Variants in ADAMTS13 observed in about 807,000 individuals in gnomAD.
ADAMTS13 encodes the protein A disintegrin and metalloproteinase with thrombospondin motifs 13.
ADAMTS13 carries 110 observed loss-of-function variants against 155.1 expected under a neutral mutation model. That is an observed-to-expected ratio of 0.71 (90% confidence interval 0.61 to 0.83). The LOEUF (loss-of-function observed/expected upper bound fraction) is 0.83. Among genes scored for constraint, ADAMTS13 ranks in the 40% least tolerant of loss-of-function variants. The pLI, the probability that ADAMTS13 is intolerant of heterozygous loss-of-function variation, is 0.00. For missense variants in ADAMTS13, 1,707 were observed against 1,891.7 expected (o/e 0.90, Z 1.81); for synonymous variants, 758 against 756.4 (o/e 1.00, Z -0.03).
At chr9:133,428,104 T>G (rs1206230526) in intron 6 of ADAMTS13, among the ~76,000 whole-genome samples, 4 of 152,170 alleles carry the variant, frequency 2.6e-5, no homozygotes, top group African/African-American at 9.7e-5. Context: ...GAGTCCTCCA[T>G]CAGTTCCGCT....
intron 11 of ADAMTS13, among the ~76,000 whole-genome samples, chr9:133,434,192 C>T (rs587723240): frequency 6.6e-4 from 100 of 152,320 alleles, no homozygotes; most frequent in Admixed American, 3.9e-3. Flanking sequence ...GCCCCTGAAG[C>T]GTCCCGCCTC....
At position 133,422,477 on chromosome 9, in the gene ADAMTS13, C is replaced by T. The variant is rs1446552024; in HGVS notation, c.34C>T (p.Pro12Ser). The T allele has an allele frequency of 6.2e-7, 1 of 1,614,098 alleles. No individual in the cohort carries two copies. The highest frequency in any genetic ancestry group is 1.7e-5 in the Admixed American group (1 of 60,030). Reference protein sequence around the residue: ...HQRHPRARCPPLCVAGILACG... With the variant: ...HQRHPRARCPSLCVAGILACG... ...GCGTCACCCCCGGGCAAGATGCCCT[C>T]CCCTCTGTGTGGCCGGAATCCTTGC... is the stretch of plus-strand genomic sequence containing the variant. The change falls in exon 1 of 29, where the codon CCC becomes TCC. Residue 12 changes from proline (P) to serine (S), a missense_variant. Transcript: ENST00000355699.
At chr9:133,414,989 T>C in intron 1 of ADAMTS13, 1 of 1,582,846 alleles carries the variant, frequency 6.3e-7, no homozygotes, top group Non-Finnish European at 8.5e-7. Flanking sequence ...TTCTGGGGCC[T>C]GAGATTTTTG....
Position 133,444,950 on chromosome 9 carries a change from T to C in ADAMTS13, c.2508T>C (p.Asp836=), listed in dbSNP as rs36221472. The C allele has an allele frequency of 2.4e-3, 3,920 of 1,613,472 alleles. 92 individuals carry two copies. In the African/African-American group the frequency reaches 0.045, roughly 19 times the overall value. ...LENETCVPGA[D]GLEAPVTEGP... ...ACGAGACCTGTGTGCCAGGGGCAGA[T>C]GGCCTGGAGGCTCCAGTGACTGAGG... The change falls in exon 20 of 29, where the codon GAT becomes GAC. Residue 836 remains aspartate, a synonymous_variant. Transcript: ENST00000355699.
chr9:133,438,067 C>T (rs587637867), intron 13 of ADAMTS13, among the ~76,000 whole-genome samples, 170 bp downstream of exon 13: 33 of 152,278 alleles, frequency 2.2e-4, no homozygotes, highest in Admixed American at 1.7e-3. Context: ...TTAAGGGCTG[C>T]AGTGTGACCT....
In ADAMTS13 at chr9:133,440,360, G is replaced by A; in HGVS notation, c.1803G>A (p.Gly601=). The A allele has an allele frequency of 1.2e-6, 2 of 1,614,032 alleles. No individual in the cohort carries two copies. Among genetic ancestry groups the A allele is most frequent in the Non-Finnish European group, 1.7e-6 (2 of 1,180,036 alleles). ...CCCCGACAGCGGTGAGGATCGGAGG[G>A]CGCTATGTCGTGGCTGGGAAGATGA... ...LFTHLAVRIG[G]RYVVAGKMSI... is the part of the protein sequence containing the mutation. The change falls in exon 16 of 29, where the codon GGG becomes GGA. Residue 601 remains glycine, a synonymous_variant. Transcript: ENST00000355699. This position sits in a 1 kb window ranked among gnomAD's most constrained non-coding sequence, Gnocchi z 4.3.
upstream of ADAMTS13, among the ~76,000 whole-genome samples, chr9:133,418,439 G>A (rs1332863204): frequency 1.3e-5 from 2 of 152,214 alleles, no homozygotes; most frequent in Admixed American, 6.5e-5. Flanking sequence ...CCCAGGCACC[G>A]GGAGGAGTTC....
At position 133,433,445 on chromosome 9, in the gene ADAMTS13, G is replaced by C. The variant is rs780251348; in HGVS notation, c.1160G>C (p.Trp387Ser). ...LTPIAAVHGR[W>S]SSWGPRSPCS... ...CCCATAGCAGCAGTGCATGGGCGCT[G>C]GTCTAGCTGGGGTCCCCGAAGTCCT... The change falls in exon 10 of 29, where the codon TGG becomes TCG. Residue 387 changes from tryptophan to serine, a missense_variant. Physicochemically the swap from Trp to Ser is radical, Grantham distance 177. Around this residue, in one of 3 missense-constraint regions of ADAMTS13, gnomAD observed 733 missense variants for 749.6 expected, o/e 0.98. Transcript: ENST00000355699. 1 of 1,613,506 alleles carries C rather than the reference G, an allele frequency of 6.2e-7. No homozygotes were observed. The highest frequency in any genetic ancestry group is 8.5e-7 in the Non-Finnish European group (1 of 1,179,952).
At position 133,438,113 on chromosome 9, in the gene ADAMTS13, G is replaced by C. The variant is rs1162359728; in HGVS notation, c.1585-133G>C. On this transcript the variant is annotated intron_variant, in intron 13 of 28. Coordinates refer to ENST00000355699, the MANE Select transcript of ADAMTS13 (RefSeq NM_139027.6). ...ACTGAGCCCTCTAAGCTTGCTTCCT[G>C]TGTAGATGGTGGGGTGCTATAGAAG... 3.3e-6 allele frequency: 5 copies of C among 1,526,970 alleles called. No individual in the cohort carries two copies. The East Asian group carries it at 9.2e-5, about 28-fold the overall frequency. The allele number at this position is 1,526,970 out of a possible 1,614,324, so 94.6% of individuals were successfully genotyped here.
intron 21 of ADAMTS13, among the ~76,000 whole-genome samples, chr9:133,448,182 G>T (rs1842197968): frequency 6.6e-6 from 1 of 151,604 alleles, no homozygotes; most frequent in Non-Finnish European, 1.5e-5. Context: ...TAGAGACGGG[G>T]TTTCACCATG....
chr9:133,430,668 C>G (rs1840684233), intron 8 of ADAMTS13, among the ~76,000 whole-genome samples: 1 of 151,458 alleles, frequency 6.6e-6, no homozygotes, highest in Non-Finnish European at 1.5e-5. Context: ...TTATGTGTTA[C>G]TATAAATACA....
In ADAMTS13 at chr9:133,438,383, G is replaced by A. The variant is rs782218388; in HGVS notation, c.1705+17G>A. The A allele has an allele frequency of 8.7e-6, 14 of 1,612,928 alleles. No homozygotes were observed. Among genetic ancestry groups the A allele is most frequent in the Admixed American group, 3.3e-5 (2 of 59,986 alleles). On this transcript the variant is annotated intron_variant, in intron 14 of 28. Coordinates refer to ENST00000355699, the MANE Select transcript of ADAMTS13 (RefSeq NM_139027.6). ...GAGCGAGAGGTAGGCGGCCTCCCTC[G>A]GGGCAGAGGCTGGGCTTCCCCCAGC...
rs587648353 is a variant in ADAMTS13 at position 133,441,759 on chromosome 9, C to T, written c.1969-640C>T. On this transcript the variant is annotated intron_variant, in intron 16 of 28. Coordinates refer to ENST00000355699, the MANE Select transcript of ADAMTS13 (RefSeq NM_139027.6). The surrounding 1 kb of genome is among the most constrained non-coding windows in gnomAD (Gnocchi z 5.0). ...CAGGGATCCAGTTTCTTCCTGCCGA[C>T]CCTACCACAGGTCCCCAGGGATCCA... 6.6e-5 allele frequency among the ~76,000 whole-genome samples: 10 copies of T among 152,264 alleles called. No individual in the cohort carries two copies. The South Asian group carries it at 1.0e-3, about 16-fold the overall frequency.
rs144808448 is a variant in ADAMTS13, at chr9:133,456,653, G to A, written c.3658G>A (p.Gly1220Arg). The change falls in exon 27 of 29, where the codon GGG becomes AGG. Residue 1220 changes from glycine (G) to arginine (R), a missense_variant. Gly to Arg is a moderately radical substitution (Grantham distance 125). Coordinates refer to ENST00000355699, the MANE Select transcript of ADAMTS13 (RefSeq NM_139027.6). This position sits in a 1 kb window ranked among gnomAD's most constrained non-coding sequence, Gnocchi z 4.4. ...CACGCTGGTGGTGAGGCAGCGCTGC[G>A]GGCGGCCAGGAGGTGGGGTGCTGCT... is the stretch of plus-strand genomic sequence containing the variant. ...TNTLVVRQRC[G>R]RPGGGVLLRY... The A allele has an allele frequency of 1.3e-4, 212 of 1,603,652 alleles. 1 individual carries two copies. In the African/African-American group the frequency reaches 1.9e-3, roughly 15 times the overall value.
At chr9:133,439,536 C>T (rs920087870) in intron 15 of ADAMTS13, 90 bp downstream of exon 15, 27 of 1,225,840 alleles carry the variant, frequency 2.2e-5, no homozygotes, top group Admixed American at 1.2e-4. Flanking sequence ...TGACATCACC[C>T]GCAAGTTCAG....
In ADAMTS13 at chr9:133,425,334, T is replaced by C. The variant is rs931087610; in HGVS notation, c.331-195T>C. On this transcript the variant is annotated intron_variant, in intron 3 of 28. Transcript: ENST00000355699. This position sits in a 1 kb window ranked among gnomAD's most constrained non-coding sequence, Gnocchi z 4.6. The stretch of plus-strand genomic sequence containing the variant: ...TGCGTTAGTTGGCCTTCCTGAGCCA[T>C]GAGCTGAGGAGCAACAGAGGCACGG... Among the ~76,000 whole-genome samples, 1 of 152,188 alleles carries C rather than the reference T, an allele frequency of 6.6e-6. No homozygotes were observed. The highest frequency in any genetic ancestry group is 1.5e-5 in the Non-Finnish European group (1 of 68,040).
At chr9:133,458,221 G>T in intron 28 of ADAMTS13, 127 bp downstream of exon 28, 1 of 1,141,928 alleles carries the variant, frequency 8.8e-7, no homozygotes. Flanking sequence ...AAGAATGGGA[G>T]AAGATAGCTT....
At chr9:133,432,747 T>A in intron 9 of ADAMTS13, 55 bp downstream of exon 9, 3 of 1,512,178 alleles carry the variant, frequency 2.0e-6, no homozygotes, top group Non-Finnish European at 2.7e-6. Flanking sequence ...CGTGGGTGCC[T>A]CCAGCCAGGC....
chr9:133,435,335 C>T (rs904519295), intron 11 of ADAMTS13, among the ~76,000 whole-genome samples: 17 of 151,656 alleles, frequency 1.1e-4, no homozygotes, highest in Non-Finnish European at 1.6e-4. Context: ...TACAGGCACG[C>T]GCCACCATGC....
Sources: gnomAD v4.1 joint callset for allele counts (sites outside exome capture counted in the v4.1 genomes callset) on GRCh38, gnomAD v4.1.1 for gene constraint, gnomAD v4.1.1 regional missense constraint, Gnocchi (gnomAD v3.1) non-coding constraint, MANE v1.5 for transcripts, NCBI Gene and HGNC (gene_info 2026-07-23, HGNC 2026-07-21) for gene names.